The following PPP1R12B variants were observed in gnomAD, a reference collection of about 807,000 sequenced individuals.
PPP1R12B encodes the protein protein phosphatase 1 regulatory subunit 12B.
In PPP1R12B, 76 loss-of-function variants were observed where a neutral mutation model predicts 126.1. The ratio of observed to expected loss-of-function variants is 0.60; its 90% confidence interval spans 0.50 to 0.73. The LOEUF (loss-of-function observed/expected upper bound fraction) is 0.73, where lower values mean the gene tolerates loss of function less well. PPP1R12B is among the 30% of genes least tolerant of loss of function. The pLI is 0.00. For missense variants in PPP1R12B, 1,052 were observed against 1,205.1 expected, an observed-to-expected ratio of 0.87 and a Z score of 1.88; for synonymous variants, 356 against 434.7, an observed-to-expected ratio of 0.82 and a Z score of 2.25.
chr1:202,558,376 A>C (rs1309627122), intron 18 of PPP1R12B, among the ~76,000 whole-genome samples: 3 of 151,674 alleles, frequency 2.0e-5, no homozygotes, highest in Non-Finnish European at 4.4e-5. Flanking sequence ...TACTTTCACT[A>C]GCAACCTAGG....
chr1:202,408,408 T>C (rs1008552572), intron 1 of PPP1R12B, among the ~76,000 whole-genome samples: 3 of 152,210 alleles, frequency 2.0e-5, no homozygotes, highest in Non-Finnish European at 4.4e-5. Flanking sequence ...AAAAGTCATA[T>C]TATAAATTTA....
intron 1 of PPP1R12B, among the ~76,000 whole-genome samples, chr1:202,369,290 T>A (rs1337765246): frequency 6.6e-6 from 1 of 152,222 alleles, no homozygotes; most frequent in African/African-American, 2.4e-5. Flanking sequence ...AGTTGAACAC[T>A]ACGAATTAAG....
chr1:202,375,707 T>C (rs1334304075), intron 1 of PPP1R12B, among the ~76,000 whole-genome samples: 1 of 152,194 alleles, frequency 6.6e-6, no homozygotes, highest in Non-Finnish European at 1.5e-5. Flanking sequence ...TGTGCCACCA[T>C]GCTCGAGTAA....
At chr1:202,573,614 A>T (rs1400311859) in intron 23 of PPP1R12B, among the ~76,000 whole-genome samples, 1 of 152,120 alleles carries the variant, frequency 6.6e-6, no homozygotes, top group African/African-American at 2.4e-5. Flanking sequence ...CAAAGAGTTG[A>T]TGGTCTCAGT....
intron 13 of PPP1R12B, among the ~76,000 whole-genome samples, chr1:202,469,009 A>G (rs1474461971): frequency 1.3e-5 from 2 of 152,254 alleles, no homozygotes; most frequent in African/African-American, 2.4e-5. Context: ...CCAGTACACT[A>G]TTGACCAAAC....
chr1:202,451,922 G>A (rs1191031756), intron 13 of PPP1R12B, among the ~76,000 whole-genome samples: 21 of 152,042 alleles, frequency 1.4e-4, no homozygotes, highest in East Asian at 1.2e-3. Flanking sequence ...GGTGGCTGCC[G>A]GGTGGAGGGG....
chr1:202,535,055 A>G (rs12127239), intron 18 of PPP1R12B, among the ~76,000 whole-genome samples: 10,258 of 146,124 alleles, frequency 0.07, 425 homozygotes, highest in Middle Eastern at 0.14. Flanking sequence ...GTGTGTGTGT[A>G]TGTGTGTGTG....
At chr1:202,576,942 A>G (rs546309603) in intron 23 of PPP1R12B, 2 of 152,298 alleles carry the variant, frequency 1.3e-5, no homozygotes, top group South Asian at 4.1e-4. Flanking sequence ...ACTTTTCACC[A>G]CTGTAATATA....
rs929881099 is a variant in PPP1R12B at position 202,587,408 on chromosome 1, A to C, written c.*6848A>C. ...TCCTCGGCTATGCTAATGTCCCCTC[A>C]GAGATGAGGTTTGACTTTTAGGCCC... On this transcript the variant is annotated 3_prime_UTR_variant, in exon 24 of 24. Transcript: ENST00000608999. The C allele has an allele frequency of 1.3e-5, 2 of 152,202 alleles. No homozygotes were observed. The highest frequency in any genetic ancestry group is 6.5e-5 in the Admixed American group (1 of 15,286). The allele number at this position is 152,202 out of a possible 1,614,324, so 9.4% of individuals were successfully genotyped here.
intron 1 of PPP1R12B, among the ~76,000 whole-genome samples, chr1:202,358,089 T>C (rs1349834848): frequency 2.0e-5 from 3 of 152,178 alleles, no homozygotes; most frequent in Non-Finnish European, 4.4e-5. Context: ...TTGGGATGTC[T>C]AATAAATCTT....
chr1:202,415,575 G>A (rs1667956532), intron 1 of PPP1R12B, among the ~76,000 whole-genome samples: 1 of 151,936 alleles, frequency 6.6e-6, no homozygotes, highest in African/African-American at 2.4e-5. Context: ...TTCACATGTG[G>A]GCCTTCTACC....
intron 23 of PPP1R12B, chr1:202,575,130 G>A (rs772946362): frequency 6.2e-7 from 1 of 1,613,240 alleles, no homozygotes; most frequent in Non-Finnish European, 8.5e-7. Context: ...ACACCCAGGA[G>A]CTCTAGTTCT....
chr1:202,552,058 G>C (rs960970977), intron 18 of PPP1R12B, among the ~76,000 whole-genome samples: 2 of 152,200 alleles, frequency 1.3e-5, no homozygotes, highest in Non-Finnish European at 2.9e-5. Context: ...CTACAAAACT[G>C]TGAGATAATA....
At chr1:202,364,739 G>T (rs1359471684) in intron 1 of PPP1R12B, among the ~76,000 whole-genome samples, 1 of 152,048 alleles carries the variant, frequency 6.6e-6, no homozygotes, top group African/African-American at 2.4e-5. Context: ...ACCATGCTCG[G>T]CTAAGTTTTT....
intron 18 of PPP1R12B, among the ~76,000 whole-genome samples, chr1:202,530,670 T>C (rs550015335): frequency 6.0e-4 from 92 of 152,316 alleles, no homozygotes; most frequent in African/African-American, 2.2e-3. Context: ...AGTAAAGTTA[T>C]TGTGAGCTCC....
chr1:202,564,561 A>C lies in PPP1R12B; in HGVS notation c.2757+14A>C, dbSNP rs1366426956. The C allele has an allele frequency of 6.3e-7, 1 of 1,581,210 alleles. No homozygotes were observed. Among genetic ancestry groups the C allele is most frequent in the Admixed American group, 1.7e-5 (1 of 59,702 alleles). On this transcript the variant is annotated intron_variant, in intron 21 of 23. Coordinates refer to ENST00000608999, the MANE Select transcript of PPP1R12B (RefSeq NM_002481.4). The stretch of plus-strand genomic sequence containing the variant: ...AAGGTGGCCCAGGTAAGACGGAAGA[A>C]GAAGAAAAAAGATGAGAACCAAGGG...
chr1:202,532,451 G>T (rs1684056012), intron 18 of PPP1R12B, among the ~76,000 whole-genome samples: 1 of 152,150 alleles, frequency 6.6e-6, no homozygotes, highest in South Asian at 2.1e-4. Context: ...AAGATAGAGT[G>T]CCTCTGGTTC....
chr1:202,537,588 T>C (rs189538146), intron 18 of PPP1R12B, among the ~76,000 whole-genome samples: 1 of 152,318 alleles, frequency 6.6e-6, no homozygotes, highest in African/African-American at 2.4e-5. Context: ...TTCCTAGAAG[T>C]GGACATAAGA....
chr1:202,525,172 C>T (rs534005988), intron 18 of PPP1R12B, among the ~76,000 whole-genome samples: 1 of 152,284 alleles, frequency 6.6e-6, no homozygotes, highest in South Asian at 2.1e-4. Context: ...AGCCACCACA[C>T]GTGGCCAGAA....
Sources: allele counts gnomAD v4.1 joint callset (sites outside exome capture counted in the v4.1 genomes callset), GRCh38; gene constraint gnomAD v4.1.1; transcripts MANE v1.5; gene names NCBI Gene and HGNC (gene_info 2026-07-23, HGNC 2026-07-21).